Variants in CFAP47 observed in about 807,000 individuals in gnomAD.
The protein encoded by CFAP47 is cilia and flagella associated protein 47.
In CFAP47, 29 loss-of-function variants were observed where a neutral mutation model predicts 148.1. The observed-to-expected ratio is 0.20, with a 90% CI of 0.15 to 0.27. CFAP47 has a LOEUF of 0.27. CFAP47 is among the 10% of genes least tolerant of loss of function. The pLI, the probability that CFAP47 is intolerant of heterozygous loss-of-function variation, is 1.00. For missense variants in CFAP47, 1,872 were observed against 1,697.5 expected (o/e 1.10, Z -1.81); for synonymous variants, 664 against 577.3 (o/e 1.15, Z -2.15).
chrX:36,234,954 C>T (rs1181309474), intron 46 of CFAP47, among the ~76,000 whole-genome samples: 4 of 111,505 alleles, frequency 3.6e-5, no homozygotes, highest in Non-Finnish European at 7.5e-5. Context: ...GCGAATGCTG[C>T]TGTCTGATCG....
chrX:36,314,479 C>A (rs1016386142), intron 56 of CFAP47, among the ~76,000 whole-genome samples: 4 of 111,096 alleles, frequency 3.6e-5, no homozygotes, highest in Admixed American at 2.9e-4. Context: ...TCTGAGTTTG[C>A]CTTATTTGAA....
chrX:36,365,255 A>G (rs782198626), intron 61 of CFAP47, among the ~76,000 whole-genome samples: 2 of 110,802 alleles, frequency 1.8e-5, no homozygotes, highest in South Asian at 7.5e-4. Flanking sequence ...CATTGACTAA[A>G]TTATGCTGCA....
chrX:36,297,672 T>C (rs1383316478), intron 51 of CFAP47, among the ~76,000 whole-genome samples: 2 of 111,378 alleles, frequency 1.8e-5, no homozygotes, highest in Non-Finnish European at 3.8e-5. Flanking sequence ...GCTAAGACAA[T>C]GTACCTTGGG....
intron 37 of CFAP47, among the ~76,000 whole-genome samples, chrX:36,155,457 A>C (rs1939355980): frequency 9.0e-6 from 1 of 111,505 alleles, no homozygotes; most frequent in Non-Finnish European, 1.9e-5. Context: ...AATGGCATTG[A>C]AGGGAGTAGG....
At chrX:36,098,952 T>G in intron 31 of CFAP47, 78 bp downstream of exon 31, 1 of 465,116 alleles carries the variant, frequency 2.2e-6, no homozygotes, top group Non-Finnish European at 3.5e-6. Flanking sequence ...GTTAGAATAT[T>G]CTACTTCAGA....
chrX:36,361,227 C>G, intron 60 of CFAP47, 103 bp from the exon 61 acceptor site: 1 of 429,085 alleles, frequency 2.3e-6, no homozygotes, highest in Admixed American at 4.6e-5. Flanking sequence ...TACCCCCTCC[C>G]TTTCTCTAAA....
At chrX:36,164,533 T>C (rs181902555) in intron 39 of CFAP47, among the ~76,000 whole-genome samples, 338 of 111,977 alleles carry the variant, frequency 3.0e-3, no homozygotes, top group African/African-American at 0.01. Context: ...TTACTTTCAA[T>C]CTATTTTTTA....
At chrX:36,081,836 A>C (rs1242400441) in intron 29 of CFAP47, among the ~76,000 whole-genome samples, 2 of 111,649 alleles carry the variant, frequency 1.8e-5, no homozygotes, top group Non-Finnish European at 3.8e-5. Flanking sequence ...GCAAAGGAAC[A>C]TACCTGAAAA....
chrX:35,948,085 A>G (rs1936109747), intron 3 of CFAP47, among the ~76,000 whole-genome samples: 1 of 111,662 alleles, frequency 9.0e-6, no homozygotes, highest in African/African-American at 3.3e-5. Context: ...CACTAACACT[A>G]ATGATAGTTG....
chrX:36,144,277 A>C (rs5973598), intron 35 of CFAP47, among the ~76,000 whole-genome samples: 10,780 of 110,813 alleles, frequency 0.097, 1,056 homozygotes, highest in African/African-American at 0.3. Context: ...ACTAGCTTTT[A>C]CGGAGTCTGA....
Position 35,919,780 on chromosome X carries a change from T to C in CFAP47, c.-20T>C. On this transcript the variant is annotated 5_prime_UTR_variant, in exon 1 of 64. Transcript: ENST00000378653. ...GCCGGACGGATCCACATCTGTTTTC[T>C]GGCTACCGAGAGGGCAGCCATGAAC... 1 of 1,189,867 alleles carries C rather than the reference T, an allele frequency of 8.4e-7. No homozygotes were observed. The highest frequency in any genetic ancestry group is 1.1e-6 in the Non-Finnish European group (1 of 881,919).
intron 57 of CFAP47, among the ~76,000 whole-genome samples, chrX:36,347,298 G>A (rs1274869811): frequency 8.9e-6 from 1 of 112,033 alleles, no homozygotes; most frequent in Non-Finnish European, 1.9e-5. Flanking sequence ...ATGCTGGAGA[G>A]GTTGTGGAAA....
At chrX:36,344,278 A>G (rs1484068595) in intron 57 of CFAP47, among the ~76,000 whole-genome samples, 1 of 108,642 alleles carries the variant, frequency 9.2e-6, no homozygotes, top group African/African-American at 3.4e-5. Context: ...AGGAACTAAG[A>G]GTTGCAGAAT....
At chrX:36,273,181 A>G (rs1940979177) in intron 49 of CFAP47, among the ~76,000 whole-genome samples, 1 of 111,937 alleles carries the variant, frequency 8.9e-6, no homozygotes, top group African/African-American at 3.2e-5. Context: ...CCATTAATAT[A>G]AAATTATGTT....
chrX:36,341,374 C>T (rs1941652119), intron 57 of CFAP47, among the ~76,000 whole-genome samples: 2 of 111,477 alleles, frequency 1.8e-5, no homozygotes, highest in South Asian at 7.5e-4. Context: ...GATTATCTGA[C>T]ATGGGCCATT....
chrX:35,933,053 C>T (rs1420568067), intron 2 of CFAP47, among the ~76,000 whole-genome samples: 1 of 111,916 alleles, frequency 8.9e-6, no homozygotes, highest in Admixed American at 9.4e-5. Flanking sequence ...AAGCATTTAT[C>T]CCTGTGTTAC....
intron 18 of CFAP47, among the ~76,000 whole-genome samples, chrX:35,996,357 T>G (rs1936848178): frequency 8.9e-6 from 1 of 111,982 alleles, no homozygotes; most frequent in Non-Finnish European, 1.9e-5. Flanking sequence ...TGAATATAGC[T>G]ACTTTAATAA....
chrX:36,153,504 G>C (rs748191323), intron 37 of CFAP47, among the ~76,000 whole-genome samples: 27 of 111,723 alleles, frequency 2.4e-4, no homozygotes, highest in Non-Finnish European at 4.7e-4. Flanking sequence ...CCCTGAGCTG[G>C]AATCTTGCTC....
At chrX:36,162,821 T>C (rs981882663) in intron 39 of CFAP47, among the ~76,000 whole-genome samples, 3 of 111,928 alleles carry the variant, frequency 2.7e-5, no homozygotes, top group Non-Finnish European at 5.6e-5. Context: ...TAGTACAGTA[T>C]TTTATTGAGG....
Sources: allele counts gnomAD v4.1 joint callset (sites outside exome capture counted in the v4.1 genomes callset), GRCh38; gene constraint gnomAD v4.1.1; transcripts MANE v1.5; gene names NCBI Gene and HGNC (gene_info 2026-07-23, HGNC 2026-07-21).